Variants in MPPED2 observed in about 807,000 individuals in gnomAD.
The protein encoded by MPPED2 is metallophosphoesterase MPPED2.
In MPPED2, 5 loss-of-function variants were observed where a neutral mutation model predicts 33.0. That is an observed-to-expected ratio of 0.15 (90% CI 0.08 to 0.32). MPPED2 has a LOEUF of 0.32. Among genes scored for constraint, MPPED2 ranks in the 10% least tolerant of loss-of-function variants. The probability of loss-of-function intolerance (pLI) is 1.00; values close to 1 mark genes in which losing one functional copy is unlikely to be tolerated. For synonymous variants in MPPED2, 136 were observed against 141.9 expected (o/e 0.96, Z 0.29); for missense variants, 275 against 372.1 (o/e 0.74, Z 2.15).
intron 3 of MPPED2, among the ~76,000 whole-genome samples, 175 bp from the exon 4 acceptor site, chr11:30,495,696 A>G (rs1383065218): frequency 2.0e-5 from 3 of 152,234 alleles, no homozygotes; most frequent in Non-Finnish European, 1.5e-5. Context: ...AAAAATGACA[A>G]TAACGGGAAA....
At chr11:30,428,631 A>C (rs2133831701) in intron 4 of MPPED2, among the ~76,000 whole-genome samples, 1 of 152,336 alleles carries the variant, frequency 6.6e-6, no homozygotes, top group Non-Finnish European at 1.5e-5. Context: ...GAGGGTTAGA[A>C]GTTAGGTCTG....
intron 6 of MPPED2, among the ~76,000 whole-genome samples, chr11:30,396,733 T>C (rs1049542843): frequency 6.6e-6 from 1 of 152,148 alleles, no homozygotes; most frequent in African/African-American, 2.4e-5. Flanking sequence ...AAAATTAAAA[T>C]AGTAATGCAT....
At chr11:30,432,043 CT>C (rs1473219907) in intron 4 of MPPED2, among the ~76,000 whole-genome samples, 1 of 152,002 alleles carries the variant, frequency 6.6e-6, no homozygotes, top group Non-Finnish European at 1.5e-5. Context: ...GTGGCAGGCA[CT>C]TGTAATCCTG....
At chr11:30,521,470 C>T (rs900602355) in intron 3 of MPPED2, among the ~76,000 whole-genome samples, 3 of 152,160 alleles carry the variant, frequency 2.0e-5, no homozygotes, top group African/African-American at 7.2e-5. Flanking sequence ...ATCTCAACAT[C>T]CAAGTGTCCA....
intron 4 of MPPED2, among the ~76,000 whole-genome samples, chr11:30,493,763 C>G (rs1206924865): frequency 6.6e-6 from 1 of 152,142 alleles, no homozygotes; most frequent in Non-Finnish European, 1.5e-5. Context: ...AATTCATACC[C>G]TAAGCAAACT....
intron 2 of MPPED2, among the ~76,000 whole-genome samples, chr11:30,544,244 A>G (rs528664074): frequency 3.3e-5 from 5 of 152,248 alleles, no homozygotes; most frequent in African/African-American, 1.2e-4. Context: ...CCCACTGGAG[A>G]TGTATTGTCC....
intron 4 of MPPED2, among the ~76,000 whole-genome samples, chr11:30,479,038 C>A (rs1565108188): frequency 6.6e-6 from 1 of 152,030 alleles, no homozygotes; most frequent in Non-Finnish European, 1.5e-5. Flanking sequence ...AAAGCTTATC[C>A]ACATGTCAAG....
downstream of MPPED2, among the ~76,000 whole-genome samples, chr11:30,405,548 G>A (rs575969747): frequency 1.1e-4 from 16 of 152,230 alleles, no homozygotes; most frequent in African/African-American, 3.9e-4. Flanking sequence ...TTTTTGTCTT[G>A]TAAGGCAACC....
rs145453718 is a variant in MPPED2 at position 30,522,989 on chromosome 11, C to T, written c.310+13005G>A. On this transcript the variant is annotated intron_variant, in intron 3 of 6. Coordinates refer to ENST00000358117, the MANE Select transcript of MPPED2 (RefSeq NM_001584.3). Reference sequence around the variant, plus strand: ...AACAATCACTAGGGTCAAGTGATTACAGCAGTTACAAGCCCCATGGGACAT... The same window carrying T: ...AACAATCACTAGGGTCAAGTGATTATAGCAGTTACAAGCCCCATGGGACAT... Among the ~76,000 whole-genome samples the T allele has an allele frequency of 2.8e-3, 425 of 152,250 alleles. 2 individuals carry two copies. Among genetic ancestry groups the T allele is most frequent in the African/African-American group, 9.6e-3 (398 of 41,554 alleles).
chr11:30,448,634 T>C (rs1949916260), intron 4 of MPPED2, among the ~76,000 whole-genome samples: 1 of 152,292 alleles, frequency 6.6e-6, no homozygotes, highest in South Asian at 2.1e-4. Context: ...ATTAACATTT[T>C]TATGTTTAGA....
chr11:30,435,100 C>A (rs1949266647), intron 4 of MPPED2, among the ~76,000 whole-genome samples: 2 of 152,168 alleles, frequency 1.3e-5, no homozygotes, highest in South Asian at 4.1e-4. Context: ...GCATTCCTAA[C>A]AGGCCCTTGT....
At chr11:30,532,797 G>C (rs117886324) in intron 3 of MPPED2, among the ~76,000 whole-genome samples, 1 of 152,228 alleles carries the variant, frequency 6.6e-6, no homozygotes, top group South Asian at 2.1e-4. Flanking sequence ...AGCTGTGCTC[G>C]ATTATCTGAT....
At chr11:30,542,187 C>A (rs1201724757) in intron 2 of MPPED2, among the ~76,000 whole-genome samples, 2 of 152,138 alleles carry the variant, frequency 1.3e-5, no homozygotes, top group African/African-American at 4.8e-5. Context: ...CTCACTTGTA[C>A]TAGTCCTTAA....
chr11:30,578,098 C>A (rs553670394), intron 2 of MPPED2, among the ~76,000 whole-genome samples: 124 of 152,214 alleles, frequency 8.1e-4, no homozygotes, highest in African/African-American at 2.9e-3. Flanking sequence ...CTTGGGCAGG[C>A]ATGATCATTT....
At chr11:30,545,009 T>C (rs1955333076) in intron 2 of MPPED2, among the ~76,000 whole-genome samples, 1 of 152,160 alleles carries the variant, frequency 6.6e-6, no homozygotes, top group African/African-American at 2.4e-5. Flanking sequence ...GTTCAGGGAC[T>C]TGTGAGTAAA....
chr11:30,555,560 G>T, intron 2 of MPPED2, among the ~76,000 whole-genome samples: 1 of 152,018 alleles, frequency 6.6e-6, no homozygotes, highest in East Asian at 1.9e-4. Context: ...GGTTTTTCCC[G>T]TGCCCTTCTC....
At chr11:30,532,952 A>C (rs1051383745) in intron 3 of MPPED2, among the ~76,000 whole-genome samples, 1 of 152,226 alleles carries the variant, frequency 6.6e-6, no homozygotes, top group Admixed American at 6.5e-5. Flanking sequence ...GGTGAGATTT[A>C]AGATGGGCAG....
chr11:30,575,951 A>G (rs558823944), intron 2 of MPPED2, among the ~76,000 whole-genome samples: 1 of 152,334 alleles, frequency 6.6e-6, no homozygotes, highest in Non-Finnish European at 1.5e-5. Context: ...AAAGGACAAG[A>G]TTTAGCAATG....
At chr11:30,580,668 A>G (rs529451787) in intron 1 of MPPED2, among the ~76,000 whole-genome samples, 174 bp from the exon 2 acceptor site, 1 of 152,328 alleles carries the variant, frequency 6.6e-6, no homozygotes, top group African/African-American at 2.4e-5. Flanking sequence ...TTCAAAGTGG[A>G]TATTACACTC....
Sources: allele counts gnomAD v4.1 joint callset (sites outside exome capture counted in the v4.1 genomes callset), GRCh38; gene constraint gnomAD v4.1.1; transcripts MANE v1.5; gene names NCBI Gene and HGNC (gene_info 2026-07-23, HGNC 2026-07-21).